The following ZSCAN4 variants were observed in gnomAD, a reference collection of about 807,000 sequenced individuals.
ZSCAN4 encodes the protein zinc finger and SCAN domain containing 4, also known as zinc finger and SCAN domain-containing protein 4.
ZSCAN4 carries 18 observed loss-of-function variants against 18.3 expected under a neutral mutation model. The ratio of observed to expected loss-of-function variants is 0.98; its 90% CI spans 0.68 to 1.46. The LOEUF is 1.46. ZSCAN4 is among the 40% of genes most tolerant of loss of function. The pLI, the probability that ZSCAN4 is intolerant of heterozygous loss-of-function variation, is 0.00. For synonymous variants in ZSCAN4, 193 were observed against 180.3 expected (o/e 1.07, Z -0.57); for missense variants, 498 against 511.4 (o/e 0.97, Z 0.25).
chr19:57,669,418 TTGTGTGTG>T (rs1427373050), intron 1 of ZSCAN4, among the ~76,000 whole-genome samples: 2 of 108,092 alleles, frequency 1.9e-5, no homozygotes, highest in Non-Finnish European at 4.4e-5. Context: ...TTTTGTATTT[TTGTGTGTG>T]TTTGTTTGTT....
At position 57,676,040 on chromosome 19, in the gene ZSCAN4, G is replaced by A. The variant is rs1435967455; in HGVS notation, c.-105-1G>A. 1 of 1,123,868 alleles carries A rather than the reference G, an allele frequency of 8.9e-7. No individual in the cohort carries two copies. The highest frequency in any genetic ancestry group is 1.6e-5 in the African/African-American group (1 of 63,818). 69.6% of individuals were successfully genotyped at this position (1,123,868 alleles called of 1,614,324 possible). A position where few individuals can be genotyped will look rare whatever the true frequency, so the allele number is the denominator to read the frequency against. On this transcript the variant is annotated splice_acceptor_variant, in intron 2 of 4. Coordinates refer to ENST00000318203, the Ensembl canonical transcript of ZSCAN4. LOFTEE classifies it low-confidence loss of function (5UTR_SPLICE). Reference sequence around the variant, plus strand: ...ATTACTCATCTCTTTTCTATTTCTAGCTTGCAGTTTTAAAGAATCCACCAA... The same window carrying A: ...ATTACTCATCTCTTTTCTATTTCTAACTTGCAGTTTTAAAGAATCCACCAA...
chr19:57,671,382 G>A (rs1984017574), intron 2 of ZSCAN4, among the ~76,000 whole-genome samples: 2 of 152,064 alleles, frequency 1.3e-5, no homozygotes, highest in East Asian at 1.9e-4. Flanking sequence ...GGGACGGAGT[G>A]CATGTCTCCA....
At chr19:57,655,804 G>A in the ZSCAN4 span, among the ~76,000 whole-genome samples, 18,506 of 151,504 alleles carry the variant, frequency 0.12, 1,251 homozygotes, top group Middle Eastern at 0.18. Context: ...TTCCCTTTCC[G>A]ACACATATCA....
exon 4 of ZSCAN4, chr19:57,677,976 C>CATT (rs1984238720): frequency 6.2e-7 from 1 of 1,600,666 alleles, no homozygotes; most frequent in South Asian, 1.1e-5. Flanking sequence ...TAAGAGATGT[C>CATT]ATTGTTCATC....
At chr19:57,653,905 A>G in the ZSCAN4 span, among the ~76,000 whole-genome samples, 11 of 151,942 alleles carry the variant, frequency 7.2e-5, no homozygotes, top group African/African-American at 2.7e-4. Context: ...ACCACCTCTA[A>G]CTCAAACAGG....
chr19:57,676,450 C>T (rs140148562), exon 3 of ZSCAN4: 2 of 1,614,092 alleles, frequency 1.2e-6, no homozygotes, highest in African/African-American at 2.7e-5. Context: ...AATGACAAAG[C>T]CAGTGTGAAA....
At chr19:57,667,493 C>T (rs1035777928), upstream of ZSCAN4, among the ~76,000 whole-genome samples, 3 of 152,188 alleles carry the variant, frequency 2.0e-5, no homozygotes, top group Non-Finnish European at 4.4e-5. Flanking sequence ...TTAGGATCTA[C>T]TTTACAGGAC....
the ZSCAN4 span, among the ~76,000 whole-genome samples, chr19:57,658,833 CAAAAAAAA>C: frequency 4.2e-4 from 29 of 68,708 alleles, no homozygotes; most frequent in African/African-American, 1.3e-3. Flanking sequence ...GACTGTGTCT[CAAAAAAAA>C]AAAAAAAAAA....
the ZSCAN4 span, among the ~76,000 whole-genome samples, chr19:57,652,375 C>T: frequency 1.3e-5 from 2 of 152,110 alleles, no homozygotes; most frequent in African/African-American, 2.4e-5. Flanking sequence ...GTAAATCGTC[C>T]GGGGTGCCCT....
chr19:57,665,700 A>C (rs1217221290), upstream of ZSCAN4, among the ~76,000 whole-genome samples: 1 of 152,098 alleles, frequency 6.6e-6, no homozygotes, highest in Non-Finnish European at 1.5e-5. Flanking sequence ...CGGGTGGATC[A>C]CCAGATCAGG....
In ZSCAN4 at chr19:57,678,553, G is replaced by GC. The variant is rs1568452940; in HGVS notation, c.954dup (p.Lys319GlnfsTer4). 1 of 1,614,074 alleles carries GC rather than the reference G, an allele frequency of 6.2e-7. No homozygotes were observed. The highest frequency in any genetic ancestry group is 8.5e-7 in the Non-Finnish European group (1 of 1,180,030). On this transcript the variant is annotated frameshift_variant, in exon 5 of 5. Coordinates refer to ENST00000318203, the Ensembl canonical transcript of ZSCAN4. LOFTEE classifies it low-confidence loss of function (END_TRUNC). ...CAAAAATCATACAAATGTGAAGAATGCCCCAAGGTCTTTAAGTATCTCTGT... is the reference window on the plus strand; with the variant it reads ...CAAAAATCATACAAATGTGAAGAATGCCCCCAAGGTCTTTAAGTATCTCTGT...
At chr19:57,675,028 C>T (rs975827370) in intron 2 of ZSCAN4, among the ~76,000 whole-genome samples, 17 of 147,324 alleles carry the variant, frequency 1.2e-4, no homozygotes, top group African/African-American at 3.8e-4. Context: ...GATCCTGGCT[C>T]ATTGCCACGC....
chr19:57,666,897 T>TTTA (rs138146671), upstream of ZSCAN4, among the ~76,000 whole-genome samples: 29 of 151,174 alleles, frequency 1.9e-4, no homozygotes, highest in East Asian at 7.8e-4. Flanking sequence ...CTACCAGGTT[T>TTTA]TTATTATTAT....
exon 5 of ZSCAN4, chr19:57,678,800 C>T: frequency 3.1e-6 from 5 of 1,614,122 alleles, no homozygotes; most frequent in Non-Finnish European, 4.2e-6. Flanking sequence ...ATACATGTCC[C>T]TTTTGTAAGA....
chr19:57,669,040 G>C (rs924059284), exon 1 of ZSCAN4: 4 of 143,684 alleles, frequency 2.8e-5, no homozygotes, highest in African/African-American at 1.0e-4. Flanking sequence ...TGAGACTAAC[G>C]TTTGTCTTTA....
chr19:57,652,616 C>T, the ZSCAN4 span, among the ~76,000 whole-genome samples: 2 of 152,094 alleles, frequency 1.3e-5, no homozygotes, highest in African/African-American at 4.8e-5. Flanking sequence ...TCCTCCACCC[C>T]CTTACCATCA....
chr19:57,659,065 TA>T, the ZSCAN4 span, among the ~76,000 whole-genome samples: 4 of 152,122 alleles, frequency 2.6e-5, no homozygotes, highest in African/African-American at 7.2e-5. Flanking sequence ...AAGAAATATA[TA>T]ATCTGTAAAG....
chr19:57,669,733 G>T (rs1983961953), intron 1 of ZSCAN4, among the ~76,000 whole-genome samples: 1 of 147,672 alleles, frequency 6.8e-6, no homozygotes, highest in South Asian at 2.1e-4. Flanking sequence ...GTTTTGTTTT[G>T]TTTTTTTTTT....
At chr19:57,664,344 G>C (rs1344209479), upstream of ZSCAN4, 1 of 153,168 alleles carries the variant, frequency 6.5e-6, no homozygotes, top group Admixed American at 6.5e-5. Flanking sequence ...CTGGCGGCGG[G>C]CGAGGAGCTG....
Sources: gnomAD v4.1 joint callset for allele counts (sites outside exome capture counted in the v4.1 genomes callset) on GRCh38, gnomAD v4.1.1 for gene constraint, MANE v1.5 for transcripts, NCBI Gene and HGNC (gene_info 2026-07-23, HGNC 2026-07-21) for gene names.